The following LINGO2 variants were observed in gnomAD, a reference collection of about 807,000 sequenced individuals.
LINGO2 encodes the protein leucine rich repeat and Ig domain containing 2.
Under a neutral mutation model 30.6 loss-of-function variants are expected in LINGO2, and 14 were observed. The observed-to-expected ratio is 0.46, with a 90% CI of 0.30 to 0.72. LINGO2 has a LOEUF of 0.72. LINGO2 is among the 30% of genes least tolerant of loss of function. LINGO2 has a pLI of 0.07. For missense variants in LINGO2, 729 were observed against 751.7 expected (o/e 0.97, Z 0.35); for synonymous variants, 317 against 288.5 (o/e 1.10, Z -1.00).
At chr9:28,358,518 C>G (rs1820319183) in intron 3 of LINGO2, among the ~76,000 whole-genome samples, 1 of 152,140 alleles carries the variant, frequency 6.6e-6, no homozygotes, top group South Asian at 2.1e-4. Context: ...CTCAGGATGA[C>G]AGCCCTTTAG....
intron 1 of LINGO2, among the ~76,000 whole-genome samples, chr9:28,579,835 G>A (rs1046582946): frequency 1.3e-5 from 2 of 152,024 alleles, no homozygotes; most frequent in South Asian, 2.1e-4. Context: ...GGTATAGCGG[G>A]AGAACAACAG....
the LINGO2 span, among the ~76,000 whole-genome samples, chr9:29,143,276 T>C: frequency 6.6e-6 from 1 of 152,096 alleles, no homozygotes; most frequent in African/African-American, 2.4e-5. Flanking sequence ...ATACAATCCC[T>C]ATCAAAATTC....
At chr9:28,851,049 G>C in the LINGO2 span, among the ~76,000 whole-genome samples, 1 of 151,982 alleles carries the variant, frequency 6.6e-6, no homozygotes, top group Non-Finnish European at 1.5e-5. Context: ...AGTCCCAGGA[G>C]TAAAGACTTA....
intron 4 of LINGO2, among the ~76,000 whole-genome samples, chr9:28,047,782 G>C (rs192876568): frequency 8.6e-6 from 1 of 116,188 alleles, no homozygotes; most frequent in African/African-American, 2.9e-5. Context: ...AAATTATACT[G>C]AACAAGAAAA....
chr9:27,970,578 G>T (rs970206348), intron 5 of LINGO2, among the ~76,000 whole-genome samples: 4 of 152,106 alleles, frequency 2.6e-5, no homozygotes, highest in Non-Finnish European at 5.9e-5. Context: ...AGTAAACATT[G>T]ATTTTTGTGT....
chr9:28,560,426 C>G (rs528078866), intron 1 of LINGO2, among the ~76,000 whole-genome samples: 1 of 152,144 alleles, frequency 6.6e-6, no homozygotes, highest in African/African-American at 2.4e-5. Context: ...TTAGCATTAG[C>G]TCTTTCTTGG....
intron 4 of LINGO2, among the ~76,000 whole-genome samples, chr9:28,024,020 G>A (rs1823260038): frequency 6.6e-6 from 1 of 152,118 alleles, no homozygotes; most frequent in East Asian, 1.9e-4. Flanking sequence ...ATAGCAGTTT[G>A]CTTTGTATTC....
At chr9:28,159,906 TA>T (rs1280406463) in intron 4 of LINGO2, among the ~76,000 whole-genome samples, 2 of 152,236 alleles carry the variant, frequency 1.3e-5, no homozygotes, top group African/African-American at 2.4e-5. Flanking sequence ...CTTTTTTAAC[TA>T]AAAAAAGTTG....
chr9:28,915,305 C>A, the LINGO2 span, among the ~76,000 whole-genome samples: 1 of 152,116 alleles, frequency 6.6e-6, no homozygotes, highest in Non-Finnish European at 1.5e-5. Context: ...AAGAAAGGCA[C>A]GGGTTCTCAA....
chr9:28,909,903 T>C, the LINGO2 span, among the ~76,000 whole-genome samples: 2 of 151,988 alleles, frequency 1.3e-5, no homozygotes, highest in African/African-American at 2.4e-5. Flanking sequence ...AATTATTCCC[T>C]GAAAGCAGTA....
At chr9:28,583,929 T>C (rs184191418) in intron 1 of LINGO2, among the ~76,000 whole-genome samples, 5 of 152,118 alleles carry the variant, frequency 3.3e-5, no homozygotes, top group Admixed American at 3.3e-4. Context: ...CAATCACACA[T>C]TGGTGAGAGA....
At chr9:27,976,251 C>T (rs1443933435) in intron 5 of LINGO2, among the ~76,000 whole-genome samples, 2 of 152,076 alleles carry the variant, frequency 1.3e-5, no homozygotes, top group Admixed American at 6.6e-5. Flanking sequence ...TTTAGGACAG[C>T]AATTAACAAG....
the LINGO2 span, among the ~76,000 whole-genome samples, chr9:29,107,033 T>C: frequency 1.3e-5 from 2 of 152,198 alleles, no homozygotes; most frequent in Admixed American, 6.5e-5. Context: ...CTTGAATCTA[T>C]AACACACACA....
the LINGO2 span, among the ~76,000 whole-genome samples, chr9:28,833,603 A>C: frequency 6.6e-6 from 1 of 152,190 alleles, no homozygotes; most frequent in East Asian, 1.9e-4. Flanking sequence ...TGCCACATTC[A>C]ATGGTACAAG....
chr9:28,663,460 C>T (rs946764035), intron 1 of LINGO2, among the ~76,000 whole-genome samples: 9 of 152,080 alleles, frequency 5.9e-5, no homozygotes, highest in South Asian at 2.1e-4. Flanking sequence ...CGTGAGCCAC[C>T]GCATCCGGCC....
intron 3 of LINGO2, among the ~76,000 whole-genome samples, chr9:28,346,783 G>C (rs754117972): frequency 6.4e-5 from 9 of 139,672 alleles, no homozygotes; most frequent in Admixed American, 1.5e-4. Flanking sequence ...CTAATGATTA[G>C]TGATATTGAG....
intron 1 of LINGO2, among the ~76,000 whole-genome samples, chr9:28,589,869 A>T (rs1306673370): frequency 2.6e-5 from 4 of 152,158 alleles, no homozygotes; most frequent in Non-Finnish European, 5.9e-5. Flanking sequence ...AAAAAGAAAA[A>T]AGCTGGAGGC....
chr9:29,125,144 G>A, the LINGO2 span, among the ~76,000 whole-genome samples: 178 of 152,156 alleles, frequency 1.2e-3, no homozygotes, highest in African/African-American at 4.1e-3. Context: ...ATCATTCTCA[G>A]CAAACTAACA....
At chr9:28,467,035 TGG>T (rs397724395) in intron 2 of LINGO2, among the ~76,000 whole-genome samples, 1 of 140,172 alleles carries the variant, frequency 7.1e-6, no homozygotes, top group African/African-American at 2.6e-5. Context: ...TCTTTTTTTT[TGG>T]GGGGGGGGGA....
Sources: allele counts gnomAD v4.1 joint callset (sites outside exome capture counted in the v4.1 genomes callset), GRCh38; gene constraint gnomAD v4.1.1; transcripts MANE v1.5; gene names NCBI Gene and HGNC (gene_info 2026-07-23, HGNC 2026-07-21).